The following DCC variants were observed in gnomAD, a reference collection of about 807,000 sequenced individuals.
DCC encodes DCC netrin 1 receptor.
DCC carries 58 observed loss-of-function variants against 172.5 expected under a neutral mutation model. The observed-to-expected ratio is 0.34, with a 90% CI of 0.27 to 0.42. The LOEUF is 0.42. Ranked by LOEUF, DCC falls within the 10% of genes least tolerant of loss-of-function variation. The pLI is 1.00. For synonymous variants in DCC, 709 were observed against 644.5 expected (o/e 1.10, Z -1.52); for missense variants, 1,740 against 1,791.0 (o/e 0.97, Z 0.51).
chr18:52,472,313 G>A (rs1988970540), intron 1 of DCC, among the ~76,000 whole-genome samples: 1 of 151,982 alleles, frequency 6.6e-6, no homozygotes, highest in African/African-American at 2.4e-5. Flanking sequence ...TCCCTTTTCA[G>A]GCCCACCATC....
At chr18:52,736,759 C>T (rs1312141092) in intron 1 of DCC, among the ~76,000 whole-genome samples, 2 of 152,096 alleles carry the variant, frequency 1.3e-5, no homozygotes, top group African/African-American at 4.8e-5. Flanking sequence ...GCTCCTATGA[C>T]ATTGACGTAA....
intron 1 of DCC, among the ~76,000 whole-genome samples, chr18:52,664,331 C>T (rs1211216325): frequency 6.6e-6 from 1 of 152,144 alleles, no homozygotes; most frequent in East Asian, 1.9e-4. Flanking sequence ...TACCTATGTT[C>T]CCTCATCTAA....
At chr18:53,440,915 T>A (rs1256406412) in intron 22 of DCC, among the ~76,000 whole-genome samples, 1 of 152,226 alleles carries the variant, frequency 6.6e-6, no homozygotes, top group Non-Finnish European at 1.5e-5. Context: ...CTAGAAACTG[T>A]TAAGCTAGAG....
chr18:53,492,160 T>G (rs978543021), intron 26 of DCC, among the ~76,000 whole-genome samples: 1 of 152,208 alleles, frequency 6.6e-6, no homozygotes, highest in African/African-American at 2.4e-5. Context: ...GATGGGATTT[T>G]TTTTTATTGT....
chr18:53,300,040 G>A (rs1054791186), intron 12 of DCC, among the ~76,000 whole-genome samples: 2 of 152,134 alleles, frequency 1.3e-5, no homozygotes, highest in African/African-American at 4.8e-5. Context: ...TTAAAGAATA[G>A]TGGAAACAAA....
chr18:52,443,420 C>T (rs1988028446), intron 1 of DCC, among the ~76,000 whole-genome samples: 1 of 144,802 alleles, frequency 6.9e-6, no homozygotes, highest in Admixed American at 7.1e-5. Context: ...AGAAGGTGAA[C>T]TGAGCTAAAA....
chr18:52,549,819 T>C (rs188837489), intron 1 of DCC, among the ~76,000 whole-genome samples: 2 of 152,106 alleles, frequency 1.3e-5, no homozygotes, highest in Non-Finnish European at 1.5e-5. Context: ...GGCACTGCTT[T>C]TTTTTTTCCT....
intron 5 of DCC, among the ~76,000 whole-genome samples, chr18:53,016,438 T>C (rs2041808490): frequency 6.6e-6 from 1 of 152,120 alleles, no homozygotes; most frequent in Non-Finnish European, 1.5e-5. Flanking sequence ...ATTTTTGCCT[T>C]AGCTTTTGCT....
chr18:53,469,068 C>T (rs930315636), intron 25 of DCC, among the ~76,000 whole-genome samples: 6 of 152,164 alleles, frequency 3.9e-5, no homozygotes, highest in African/African-American at 1.4e-4. Flanking sequence ...GCCCCCTTGC[C>T]ATCAATTCTT....
At chr18:52,437,696 A>G (rs1987840987) in intron 1 of DCC, among the ~76,000 whole-genome samples, 1 of 152,240 alleles carries the variant, frequency 6.6e-6, no homozygotes, top group Non-Finnish European at 1.5e-5. Flanking sequence ...TTGACATATC[A>G]CAGGGGATTG....
chr18:53,088,263 T>C (rs1325382303), intron 7 of DCC, among the ~76,000 whole-genome samples: 1 of 152,212 alleles, frequency 6.6e-6, no homozygotes, highest in Admixed American at 6.5e-5. Flanking sequence ...TTTGTTTGTA[T>C]CCTCTTTGAT....
intron 7 of DCC, among the ~76,000 whole-genome samples, chr18:53,090,585 T>G (rs556491770): frequency 1.3e-5 from 2 of 150,008 alleles, no homozygotes; most frequent in Admixed American, 6.7e-5. Context: ...TCCCAGCCAC[T>G]CGGCAGGCTG....
At chr18:52,465,979 TC>T (rs576869469) in intron 1 of DCC, among the ~76,000 whole-genome samples, 1 of 152,230 alleles carries the variant, frequency 6.6e-6, no homozygotes, top group Non-Finnish European at 1.5e-5. Context: ...TGCTTATTTC[TC>T]CAAGTCCATA....
chr18:52,788,321 A>C lies in DCC; in HGVS notation c.412+35947A>C, dbSNP rs1422776196. 2.0e-5 allele frequency among the ~76,000 whole-genome samples: 3 copies of C among 152,148 alleles called. No homozygotes were observed. The East Asian group carries it at 5.8e-4, about 29-fold the overall frequency. ...AACTCTTTGCAACTTTTAATGAAAAACCTGGTTAGTAAGCAACTTTATGTA... is the reference window on the plus strand; with the variant it reads ...AACTCTTTGCAACTTTTAATGAAAACCCTGGTTAGTAAGCAACTTTATGTA... On this transcript the variant is annotated intron_variant, in intron 2 of 28. Transcript: ENST00000442544.
intron 3 of DCC, among the ~76,000 whole-genome samples, chr18:52,922,855 G>A (rs1476709760): frequency 1.3e-5 from 2 of 152,104 alleles, no homozygotes; most frequent in East Asian, 1.9e-4. Context: ...TGCATTTGGG[G>A]CTTAGAACTT....
At chr18:53,423,442 G>A (rs1000894961) in intron 21 of DCC, among the ~76,000 whole-genome samples, 18 of 151,996 alleles carry the variant, frequency 1.2e-4, no homozygotes, top group African/African-American at 4.1e-4. Context: ...CTCTTTCCTG[G>A]TGTCATGGCC....
At chr18:53,018,397 C>T (rs2041836790) in intron 5 of DCC, among the ~76,000 whole-genome samples, 1 of 152,224 alleles carries the variant, frequency 6.6e-6, no homozygotes, top group African/African-American at 2.4e-5. Flanking sequence ...ATACATTCTT[C>T]ACTAACCTCG....
At chr18:53,073,571 G>A (rs1217192247) in intron 7 of DCC, among the ~76,000 whole-genome samples, 1 of 151,728 alleles carries the variant, frequency 6.6e-6, no homozygotes, top group African/African-American at 2.4e-5. Context: ...AATAAATGCT[G>A]GTTTTATTTT....
At chr18:53,004,510 G>T (rs1247633914) in intron 5 of DCC, among the ~76,000 whole-genome samples, 1 of 152,150 alleles carries the variant, frequency 6.6e-6, no homozygotes, top group Admixed American at 6.6e-5. Context: ...ATTGTCTTTT[G>T]TGTGTGATTA....
Sources: gnomAD v4.1 joint callset for allele counts (sites outside exome capture counted in the v4.1 genomes callset) on GRCh38, gnomAD v4.1.1 for gene constraint, MANE v1.5 for transcripts, NCBI Gene and HGNC (gene_info 2026-07-23, HGNC 2026-07-21) for gene names.